The following THADA variants were observed in gnomAD, a reference collection of about 807,000 sequenced individuals.
The protein encoded by THADA is THADA armadillo repeat containing, also known as tRNA (32-2'-O)-methyltransferase regulator THADA.
Under a neutral mutation model 219.8 loss-of-function variants are expected in THADA, and 213 were observed. That is an observed-to-expected ratio of 0.97 (90% CI 0.87 to 1.09). The LOEUF is 1.09. THADA is among the 50% of genes least tolerant of loss of function. THADA has a pLI of 0.00. For synonymous variants in THADA, 1,018 were observed against 828.9 expected, an observed-to-expected ratio of 1.23 and a Z score of -3.92; for missense variants, 2,956 against 2,311.3, an observed-to-expected ratio of 1.28 and a Z score of -5.72.
intron 36 of THADA, among the ~76,000 whole-genome samples, chr2:43,238,944 C>T (rs1177470385): frequency 1.3e-5 from 2 of 151,924 alleles, no homozygotes; most frequent in South Asian, 2.1e-4. Context: ...AAATGATCTC[C>T]GAGGCTCTTC....
intron 22 of THADA, among the ~76,000 whole-genome samples, chr2:43,515,899 T>A (rs1250721090): frequency 6.6e-6 from 1 of 152,060 alleles, no homozygotes; most frequent in Non-Finnish European, 1.5e-5. Flanking sequence ...CATGCCAAAC[T>A]TAACATGCCC....
chr2:43,358,413 T>G (rs1359716742), intron 29 of THADA, among the ~76,000 whole-genome samples: 1 of 152,030 alleles, frequency 6.6e-6, no homozygotes, highest in African/African-American at 2.4e-5. Context: ...TTCAGTTCTG[T>G]GCCCAATGTG....
intron 35 of THADA, among the ~76,000 whole-genome samples, chr2:43,286,285 A>C (rs1673995905): frequency 6.6e-6 from 1 of 152,220 alleles, no homozygotes; most frequent in Non-Finnish European, 1.5e-5. Context: ...GAAGGGCCTT[A>C]TGAGCCGTGC....
rs115074010 is a variant in THADA at position 43,324,723 on chromosome 2, T to C, written c.4344-4183A>G. Among the ~76,000 whole-genome samples the C allele has an allele frequency of 7.1e-3, 1,078 of 152,310 alleles. 13 individuals are homozygous for C. Among genetic ancestry groups the C allele is most frequent in the African/African-American group, 0.024 (1,008 of 41,570 alleles). On this transcript the variant is annotated intron_variant, in intron 30 of 37. Coordinates refer to ENST00000405975, the MANE Select transcript of THADA (RefSeq NM_022065.5). ...GGGTGAGCCAGAGGTTTGTTCTCAG[T>C]CTGTCAAGCCACTTTGATGATGGGA...
intron 36 of THADA, among the ~76,000 whole-genome samples, chr2:43,259,373 T>C (rs1001013525): frequency 6.6e-5 from 10 of 152,200 alleles, no homozygotes; most frequent in Middle Eastern, 3.2e-3. Context: ...ATCACAACCA[T>C]TGGCTACAAC....
chr2:43,417,503 G>A (rs1558727742), intron 28 of THADA, among the ~76,000 whole-genome samples: 1 of 152,086 alleles, frequency 6.6e-6, no homozygotes, highest in Non-Finnish European at 1.5e-5. Context: ...AACCACTTAA[G>A]CTTTATTGCA....
At chr2:43,295,595 A>T (rs542536070) in intron 31 of THADA, among the ~76,000 whole-genome samples, 4 of 152,232 alleles carry the variant, frequency 2.6e-5, no homozygotes, top group Non-Finnish European at 4.4e-5. Flanking sequence ...ACCAGACAGC[A>T]TTTAAGTGAT....
intron 18 of THADA, 32 bp from the exon 19 acceptor site, chr2:43,551,957 A>G (rs777869044): frequency 1.9e-6 from 3 of 1,581,434 alleles, no homozygotes; most frequent in African/African-American, 2.7e-5. Context: ...AATTTATACT[A>G]AAAGCAAAAA....
intron 26 of THADA, among the ~76,000 whole-genome samples, chr2:43,468,490 T>A (rs1184349391): frequency 6.6e-6 from 1 of 152,134 alleles, no homozygotes; most frequent in African/African-American, 2.4e-5. Context: ...AGTTCTCCAA[T>A]AAAGGGTCAG....
intron 28 of THADA, among the ~76,000 whole-genome samples, chr2:43,412,480 T>A (rs1308818814): frequency 2.0e-5 from 3 of 152,222 alleles, no homozygotes; most frequent in East Asian, 1.9e-4. Flanking sequence ...CAGATTTCTA[T>A]GGCTTTGACT....
chr2:43,418,915 T>C (rs764084629), intron 28 of THADA, among the ~76,000 whole-genome samples: 72 of 152,136 alleles, frequency 4.7e-4, no homozygotes, highest in Non-Finnish European at 4.6e-4. Flanking sequence ...GCTTTTTTAA[T>C]AAGGAGGTCA....
intron 21 of THADA, 109 bp from the exon 22 acceptor site, chr2:43,528,097 G>A (rs1013295686): frequency 1.9e-5 from 12 of 639,184 alleles, no homozygotes; most frequent in South Asian, 7.8e-5. Context: ...TTCATTTAGC[G>A]CTTACCATAT....
intron 29 of THADA, among the ~76,000 whole-genome samples, chr2:43,368,150 C>CAA (rs879927078): frequency 7.2e-5 from 11 of 152,098 alleles, no homozygotes; most frequent in Admixed American, 7.2e-4. Context: ...AACAAACAAA[C>CAA]AAAAACACCT....
At chr2:43,509,741 T>C (rs1004065421) in intron 22 of THADA, among the ~76,000 whole-genome samples, 8 of 152,290 alleles carry the variant, frequency 5.3e-5, no homozygotes, top group African/African-American at 1.2e-4. Flanking sequence ...ATGTTTCACA[T>C]AGAACAAAAT....
intron 26 of THADA, among the ~76,000 whole-genome samples, chr2:43,439,218 G>A (rs1019216475): frequency 6.6e-6 from 1 of 152,150 alleles, no homozygotes; most frequent in Admixed American, 6.6e-5. Flanking sequence ...CAATTCATAA[G>A]TTTTAAACTG....
intron 34 of THADA, among the ~76,000 whole-genome samples, chr2:43,287,839 A>G (rs1022461639): frequency 1.3e-5 from 2 of 152,168 alleles, no homozygotes; most frequent in Non-Finnish European, 1.5e-5. Flanking sequence ...TAAGTTCTGA[A>G]GACTGGGATG....
At chr2:43,324,218 T>C (rs746960696) in intron 30 of THADA, among the ~76,000 whole-genome samples, 12 of 152,180 alleles carry the variant, frequency 7.9e-5, no homozygotes, top group Non-Finnish European at 1.3e-4. Context: ...AATTTCAAAA[T>C]GAACAGAGGA....
At chr2:43,334,644 G>A (rs140435930) in intron 30 of THADA, among the ~76,000 whole-genome samples, 1,595 of 152,050 alleles carry the variant, frequency 0.01, 11 homozygotes, top group Middle Eastern at 0.024. Flanking sequence ...GCGTGGTGGC[G>A]GGCGCCTGTA....
At chr2:43,592,247 T>A (rs922241892) in intron 2 of THADA, 70 bp downstream of exon 2, 10 of 1,130,822 alleles carry the variant, frequency 8.8e-6, no homozygotes, top group Middle Eastern at 2.0e-4. Context: ...ATGCTAGGGG[T>A]CCCAGTCATT....
Sources: gnomAD v4.1 joint callset for allele counts (sites outside exome capture counted in the v4.1 genomes callset) on GRCh38, gnomAD v4.1.1 for gene constraint, MANE v1.5 for transcripts, NCBI Gene and HGNC (gene_info 2026-07-23, HGNC 2026-07-21) for gene names.